The following CCSER1 variants were observed in gnomAD, a reference collection of about 807,000 sequenced individuals.
The protein encoded by CCSER1 is serine-rich coiled-coil domain-containing protein 1.
In CCSER1, 41 loss-of-function variants were observed where a neutral mutation model predicts 82.0. The ratio of observed to expected loss-of-function variants is 0.50; its 90% CI spans 0.39 to 0.65. The LOEUF is 0.65. CCSER1 is among the 30% of genes least tolerant of loss of function. The pLI is 0.00. For synonymous variants in CCSER1, 414 were observed against 383.9 expected (o/e 1.08, Z -0.92); for missense variants, 1,119 against 1,064.2 (o/e 1.05, Z -0.72).
chr4:91,431,625 G>T (rs112588676), intron 10 of CCSER1, among the ~76,000 whole-genome samples: 12,293 of 151,742 alleles, frequency 0.081, 555 homozygotes, highest in Non-Finnish European at 0.099. Flanking sequence ...GCACCACCAC[G>T]CCAGGCTAAT....
chr4:91,305,083 T>C (rs1224516746), intron 10 of CCSER1, among the ~76,000 whole-genome samples: 1 of 152,018 alleles, frequency 6.6e-6, no homozygotes, highest in Admixed American at 6.6e-5. Context: ...TCATTCTCCC[T>C]AAGAAAAAAT....
chr4:90,796,429 A>AC (rs1460976162), intron 7 of CCSER1, among the ~76,000 whole-genome samples: 1 of 151,140 alleles, frequency 6.6e-6, no homozygotes, highest in Non-Finnish European at 1.5e-5. Flanking sequence ...AAAAAAAAAA[A>AC]AAAAAACAGC....
At chr4:91,127,040 G>A (rs185649081) in intron 10 of CCSER1, among the ~76,000 whole-genome samples, 1 of 151,930 alleles carries the variant, frequency 6.6e-6, no homozygotes, top group East Asian at 1.9e-4. Flanking sequence ...ACAGCTCTTT[G>A]TATTTGACTC....
chr4:91,526,412 C>A (rs577537578), intron 10 of CCSER1, among the ~76,000 whole-genome samples: 1 of 152,098 alleles, frequency 6.6e-6, no homozygotes. Flanking sequence ...TTATGCCTCC[C>A]GAAAACAAAC....
intron 8 of CCSER1, among the ~76,000 whole-genome samples, chr4:90,909,220 T>A (rs7660952): frequency 0.54 from 81,479 of 152,006 alleles, 23,576 homozygotes; most frequent in African/African-American, 0.76. Context: ...AACACTTGTC[T>A]TATTTGATTT....
At chr4:91,501,441 T>C (rs1275733858) in intron 10 of CCSER1, among the ~76,000 whole-genome samples, 2 of 152,006 alleles carry the variant, frequency 1.3e-5, no homozygotes, top group Non-Finnish European at 2.9e-5. Context: ...TATTCACATT[T>C]CTTGTCTTCC....
chr4:91,226,035 A>C (rs181314012), intron 10 of CCSER1, among the ~76,000 whole-genome samples: 18 of 152,110 alleles, frequency 1.2e-4, no homozygotes, highest in African/African-American at 4.1e-4. Context: ...TTTAAGTTTT[A>C]GGGTACATGT....
Position 90,721,994 on chromosome 4 carries a change from T to C in CCSER1, c.1933-1920T>C, listed in dbSNP as rs1265432464. On this transcript the variant is annotated intron_variant, in intron 6 of 10. Transcript: ENST00000509176. ...TTCTCTTAGAATGACATTCAAAGAATCAGTGTTACATAATGTAAAATTTGG... is the reference window on the plus strand; with the variant it reads ...TTCTCTTAGAATGACATTCAAAGAACCAGTGTTACATAATGTAAAATTTGG... Among the ~76,000 whole-genome samples, 5 of 151,746 alleles carry C rather than the reference T, an allele frequency of 3.3e-5. No individual in the cohort carries two copies. In the East Asian group the frequency reaches 9.6e-4, roughly 29 times the overall value.
chr4:90,252,061 C>T (rs75341488), intron 1 of CCSER1, among the ~76,000 whole-genome samples: 8 of 151,810 alleles, frequency 5.3e-5, no homozygotes, highest in African/African-American at 1.9e-4. Context: ...ATGTGAGATG[C>T]TTCTTTTTAA....
intron 1 of CCSER1, among the ~76,000 whole-genome samples, chr4:90,129,899 A>G (rs949229128): frequency 1.6e-4 from 25 of 152,206 alleles, no homozygotes; most frequent in African/African-American, 6.0e-4. Flanking sequence ...ACTATCCCAA[A>G]CTATTTGAAC....
chr4:90,856,506 G>T (rs1221782110), intron 8 of CCSER1, among the ~76,000 whole-genome samples: 2 of 152,060 alleles, frequency 1.3e-5, no homozygotes, highest in African/African-American at 4.8e-5. Flanking sequence ...GGAGAATAAA[G>T]TGGGTCTGAT....
intron 5 of CCSER1, among the ~76,000 whole-genome samples, chr4:90,592,645 A>T (rs1271712579): frequency 6.6e-6 from 1 of 152,148 alleles, no homozygotes; most frequent in Admixed American, 6.6e-5. Context: ...ATGGTGATTA[A>T]TTGCCTAATT....
At chr4:91,050,582 A>G (rs1385460686) in intron 9 of CCSER1, among the ~76,000 whole-genome samples, 1 of 152,174 alleles carries the variant, frequency 6.6e-6, no homozygotes, top group East Asian at 1.9e-4. Context: ...ATTTATGCAA[A>G]TTAAGATAAC....
chr4:90,798,097 T>C (rs61154029), intron 7 of CCSER1, among the ~76,000 whole-genome samples: 52,616 of 151,474 alleles, frequency 0.35, 9,540 homozygotes, highest in African/African-American at 0.46. Flanking sequence ...CTCCTGATAT[T>C]TTTCAGGTAC....
At chr4:90,358,516 C>T (rs1422011273) in intron 3 of CCSER1, among the ~76,000 whole-genome samples, 1 of 152,042 alleles carries the variant, frequency 6.6e-6, no homozygotes, top group Admixed American at 6.5e-5. Flanking sequence ...TTTCTTTATC[C>T]AGCACTTGAT....
chr4:90,708,599 A>G (rs1739873163), intron 6 of CCSER1, among the ~76,000 whole-genome samples: 1 of 152,130 alleles, frequency 6.6e-6, no homozygotes. Context: ...AAAAATCAAC[A>G]TAGTCACTTA....
chr4:91,323,697 T>G (rs563457553), intron 10 of CCSER1, among the ~76,000 whole-genome samples: 1 of 152,300 alleles, frequency 6.6e-6, no homozygotes, highest in Non-Finnish European at 1.5e-5. Flanking sequence ...GTCTAAGTTT[T>G]CTTTTTGTCA....
In CCSER1 at chr4:90,309,050, A is replaced by C. The variant is rs754532149; in HGVS notation, c.766A>C (p.Thr256Pro). Residue 256 changes from threonine to proline, a missense_variant, in exon 2 of 11, where the codon ACA becomes CCA. Coordinates refer to ENST00000509176, the MANE Select transcript of CCSER1 (RefSeq NM_001145065.2). ...TTCTGCTGATCTTACCACAGCTCAGACACCTTCAGAATTTTTAGCCTTGAC... is the reference window on the plus strand; with the variant it reads ...TTCTGCTGATCTTACCACAGCTCAGCCACCTTCAGAATTTTTAGCCTTGAC... ...LLSADLTTAQTPSEFLALTED... is the reference protein window; with the variant it reads ...LLSADLTTAQPPSEFLALTED... The C allele has an allele frequency of 1.1e-5, 17 of 1,613,852 alleles. No homozygotes were observed. In the South Asian group the frequency reaches 1.9e-4, roughly 18 times the overall value.
At chr4:90,545,507 G>C (rs546262452) in intron 5 of CCSER1, among the ~76,000 whole-genome samples, 1 of 151,898 alleles carries the variant, frequency 6.6e-6, no homozygotes, top group African/African-American at 2.4e-5. Context: ...TCTCTGCCTC[G>C]AAACCCTAAT....
Sources: allele counts gnomAD v4.1 joint callset (sites outside exome capture counted in the v4.1 genomes callset), GRCh38; gene constraint gnomAD v4.1.1; transcripts MANE v1.5; gene names NCBI Gene and HGNC (gene_info 2026-07-23, HGNC 2026-07-21).